Variants in FAM83A observed in about 807,000 individuals in gnomAD.
The protein encoded by FAM83A is scaffolding CK1 anchoring protein A, also known as protein FAM83A.
Under a neutral mutation model 24.4 loss-of-function variants are expected in FAM83A, and 21 were observed. The ratio of observed to expected loss-of-function variants is 0.86; its 90% CI spans 0.61 to 1.24. The LOEUF is 1.24. Among genes scored for constraint, FAM83A ranks in the 50% most tolerant of loss-of-function variants. FAM83A has a pLI of 0.00. For missense variants in FAM83A, 617 were observed against 579.8 expected (o/e 1.06, Z -0.66); for synonymous variants, 270 against 252.4 (o/e 1.07, Z -0.66).
rs1586779425 is a variant in FAM83A, at chr8:123,191,659, T to A, written c.481-144T>A. 6.2e-6 allele frequency: 5 copies of A among 811,282 alleles called. No homozygotes were observed. In the East Asian group the frequency reaches 1.2e-4, roughly 20 times the overall value. The allele number at this position is 811,282 out of a possible 1,614,324, so 50.3% of individuals were successfully genotyped here. On this transcript the variant is annotated intron_variant, in intron 1 of 3. Coordinates refer to ENST00000690554, the Ensembl canonical transcript of FAM83A. Reference sequence around the variant, plus strand: ...TTTTCCTTCCATTAATCCTGCCCAGTCAGACCCACTCTACCCCATCCTCTC... The same window carrying A: ...TTTTCCTTCCATTAATCCTGCCCAGACAGACCCACTCTACCCCATCCTCTC...
chr8:123,189,836 C>T (rs1222839638), intron 1 of FAM83A, among the ~76,000 whole-genome samples: 2 of 152,178 alleles, frequency 1.3e-5, no homozygotes, highest in African/African-American at 4.8e-5. Flanking sequence ...GGGCACATGT[C>T]GTCAGGACTT....
chr8:123,194,571 C>T (rs935384132), intron 3 of FAM83A, among the ~76,000 whole-genome samples: 1 of 151,812 alleles, frequency 6.6e-6, no homozygotes, highest in Non-Finnish European at 1.5e-5. Flanking sequence ...GCAACCTCCG[C>T]CTCCAGGATT....
chr8:123,207,241 C>A (rs1252548975), exon 4 of FAM83A: 9 of 1,612,838 alleles, frequency 5.6e-6, no homozygotes, highest in East Asian at 2.2e-5. Flanking sequence ...ACGAGGAGTT[C>A]CGCCACCTCT....
intron 1 of FAM83A, among the ~76,000 whole-genome samples, chr8:123,188,139 T>G (rs544584342): frequency 1.3e-5 from 2 of 151,962 alleles, no homozygotes; most frequent in South Asian, 4.2e-4. Context: ...CCTCCCAAAG[T>G]GCTGGGATTA....
At chr8:123,206,013 G>A (rs1461093042) in intron 3 of FAM83A, among the ~76,000 whole-genome samples, 2 of 151,786 alleles carry the variant, frequency 1.3e-5, no homozygotes, top group Non-Finnish European at 2.9e-5. Context: ...CGTGGTGGCG[G>A]GCGCCTGTAA....
chr8:123,179,944 G>C (rs747740099), upstream of FAM83A: 1 of 152,136 alleles, frequency 6.6e-6, no homozygotes, highest in Non-Finnish European at 1.5e-5. Context: ...ACCAATCAGA[G>C]GATCTGTAAT....
At chr8:123,207,413 C>A (rs749680651) in exon 4 of FAM83A, 1 of 1,610,488 alleles carries the variant, frequency 6.2e-7, no homozygotes, top group South Asian at 1.1e-5. Context: ...AGGCAGCCAC[C>A]CCGGTACCCG....
exon 1 of FAM83A, chr8:123,183,318 C>T (rs1823679362): frequency 6.2e-7 from 1 of 1,612,464 alleles, no homozygotes; most frequent in South Asian, 1.1e-5. Context: ...TCCGCCGCTG[C>T]ATCACCCGGA....
chr8:123,183,647 CT>C (rs951892362), intron 1 of FAM83A, among the ~76,000 whole-genome samples: 73 of 149,486 alleles, frequency 4.9e-4, no homozygotes, highest in East Asian at 5.9e-4. Context: ...TCCTCTCTTT[CT>C]TTTTTTTTCT....
At chr8:123,207,840 C>T in exon 4 of FAM83A, 1 of 1,389,162 alleles carries the variant, frequency 7.2e-7, no homozygotes, top group Non-Finnish European at 9.3e-7. Context: ...GGCCCCAGGC[C>T]ATCCACTTGC....
intron 1 of FAM83A, among the ~76,000 whole-genome samples, chr8:123,186,604 T>C (rs1713732): frequency 0.92 from 139,681 of 152,116 alleles, 64,185 homozygotes; most frequent in East Asian, 1. Flanking sequence ...CTGAGGCAGG[T>C]GGATCTCCTG....
chr8:123,192,095 TCAAA>T (rs1429241903), intron 2 of FAM83A, 125 bp downstream of exon 2: 55 of 1,082,810 alleles, frequency 5.1e-5, no homozygotes, highest in South Asian at 6.5e-5. Context: ...CATTTCTTGC[TCAAA>T]CAAACTCCTA....
At chr8:123,202,890 G>T (rs371995663) in intron 3 of FAM83A, 2 of 151,952 alleles carry the variant, frequency 1.3e-5, no homozygotes, top group African/African-American at 4.8e-5. Flanking sequence ...AGATAAATCC[G>T]AAAAAGAAAA....
intron 3 of FAM83A, among the ~76,000 whole-genome samples, chr8:123,195,576 A>G (rs1824120551): frequency 6.6e-6 from 1 of 152,216 alleles, no homozygotes; most frequent in Non-Finnish European, 1.5e-5. Context: ...AAAATCCCAT[A>G]GACTGGGTAG....
intron 1 of FAM83A, among the ~76,000 whole-genome samples, chr8:123,186,265 A>AC (rs770219252): frequency 4.4e-4 from 66 of 151,170 alleles, no homozygotes; most frequent in Non-Finnish European, 7.2e-4. Flanking sequence ...GCACCTACAC[A>AC]CCCCCCCACG....
chr8:123,205,919 C>T lies in FAM83A; in HGVS notation c.774-1238C>T, dbSNP rs546647730. 2.9e-3 allele frequency among the ~76,000 whole-genome samples: 448 copies of T among 151,980 alleles called. 3 individuals carry two copies. The highest frequency in any genetic ancestry group is 0.021 in the South Asian group (100 of 4,802). On this transcript the variant is annotated intron_variant, in intron 3 of 3. Transcript: ENST00000690554. ...CAGCACTTTGGGAGGCCGAGGCGGG[C>T]GGATCACGAGGTCAGGGGTTCGAGA...
At chr8:123,182,072 C>T (rs920168350), upstream of FAM83A, 20 of 456,188 alleles carry the variant, frequency 4.4e-5, no homozygotes, top group African/African-American at 3.0e-4. Context: ...CCGGCAGCCT[C>T]GGCTCGTTCT....
At chr8:123,193,014 C>G (rs1042109531) in intron 2 of FAM83A, 1 of 152,368 alleles carries the variant, frequency 6.6e-6, no homozygotes, top group Admixed American at 6.5e-5. Flanking sequence ...CTTCCCAGGA[C>G]CTGCCAAGCC....
upstream of FAM83A, chr8:123,182,257 G>C: frequency 1.0e-5 from 4 of 388,374 alleles, no homozygotes; most frequent in South Asian, 7.4e-5. Flanking sequence ...GAGAGGAGGC[G>C]CGCCTGGTCA....
Sources: allele counts gnomAD v4.1 joint callset (sites outside exome capture counted in the v4.1 genomes callset), GRCh38; gene constraint gnomAD v4.1.1; transcripts MANE v1.5; gene names NCBI Gene and HGNC (gene_info 2026-07-23, HGNC 2026-07-21).